Variants in CLYBL observed in about 807,000 individuals in gnomAD.
CLYBL encodes the protein citramalyl-CoA lyase, mitochondrial.
Under a neutral mutation model 38.9 loss-of-function variants are expected in CLYBL, and 31 were observed. That is an observed-to-expected ratio of 0.80 (90% CI 0.60 to 1.08). The LOEUF (loss-of-function observed/expected upper bound fraction) is 1.08. Ranked by LOEUF, CLYBL falls within the 50% of genes least tolerant of loss-of-function variation. CLYBL has a pLI of 0.00. For synonymous variants in CLYBL, 171 were observed against 158.6 expected (o/e 1.08, Z -0.59); for missense variants, 434 against 411.6 (o/e 1.05, Z -0.47).
chr13:99,838,939 TACATTTC>T (rs1324359652), intron 2 of CLYBL, among the ~76,000 whole-genome samples: 7 of 152,234 alleles, frequency 4.6e-5, no homozygotes, highest in Non-Finnish European at 8.8e-5. Context: ...GCGCCTGGCC[TACATTTC>T]ACATTCTTAA....
chr13:99,907,422 T>A (rs2052707940), intron 9 of CLYBL, among the ~76,000 whole-genome samples: 1 of 152,114 alleles, frequency 6.6e-6, no homozygotes, highest in Non-Finnish European at 1.5e-5. Flanking sequence ...ATTATAACCA[T>A]GTTAAAAAGA....
intron 1 of CLYBL, among the ~76,000 whole-genome samples, chr13:99,644,983 A>T (rs1267604290): frequency 6.6e-6 from 1 of 152,180 alleles, no homozygotes; most frequent in Non-Finnish European, 1.5e-5. Flanking sequence ...TAAACATGGG[A>T]GTGCAGATAT....
chr13:99,637,107 TGGTCTCAA>T (rs2047029023), intron 1 of CLYBL, among the ~76,000 whole-genome samples: 1 of 152,210 alleles, frequency 6.6e-6, no homozygotes, highest in Non-Finnish European at 1.5e-5. Context: ...CTTGAACCCC[TGGTCTCAA>T]GTGATCTGCC....
At chr13:99,675,852 CATT>C (rs879451502) in intron 1 of CLYBL, among the ~76,000 whole-genome samples, 4 of 152,038 alleles carry the variant, frequency 2.6e-5, no homozygotes, top group Non-Finnish European at 5.9e-5. Flanking sequence ...TTTCTGTACA[CATT>C]GTTGTATGGG....
At chr13:99,709,627 T>A (rs1466855116) in intron 1 of CLYBL, among the ~76,000 whole-genome samples, 1 of 152,222 alleles carries the variant, frequency 6.6e-6, no homozygotes, top group South Asian at 2.1e-4. Context: ...GTTGAAAAGA[T>A]AGAATTTGTT....
At chr13:99,663,283 G>T (rs750048774) in intron 1 of CLYBL, among the ~76,000 whole-genome samples, 21 of 152,224 alleles carry the variant, frequency 1.4e-4, no homozygotes, top group Non-Finnish European at 2.2e-4. Context: ...CCATGTGTGG[G>T]TATAAATAAT....
intron 1 of CLYBL, among the ~76,000 whole-genome samples, chr13:99,741,660 A>G (rs1303415388): frequency 6.6e-6 from 1 of 152,216 alleles, no homozygotes. Flanking sequence ...TATTTGTAGT[A>G]GAGACGGGGT....
At chr13:99,814,151 A>T (rs557231302) in intron 2 of CLYBL, among the ~76,000 whole-genome samples, 1 of 152,356 alleles carries the variant, frequency 6.6e-6, no homozygotes, top group South Asian at 2.1e-4. Flanking sequence ...TATACAAATT[A>T]TATTGAAGAT....
chr13:99,753,913 A>AC (rs1351917690), intron 1 of CLYBL, among the ~76,000 whole-genome samples: 9 of 151,068 alleles, frequency 6.0e-5, no homozygotes, highest in African/African-American at 2.2e-4. Context: ...ACATGGTGAA[A>AC]CCCCATCTCT....
intron 2 of CLYBL, among the ~76,000 whole-genome samples, chr13:99,846,774 C>T (rs1474367467): frequency 3.9e-5 from 6 of 152,154 alleles, no homozygotes; most frequent in Non-Finnish European, 8.8e-5. Flanking sequence ...CTTATGGAGA[C>T]AAGATTCTTT....
chr13:99,854,718 T>C (rs745910959), intron 2 of CLYBL, among the ~76,000 whole-genome samples: 5 of 152,188 alleles, frequency 3.3e-5, no homozygotes, highest in African/African-American at 4.8e-5. Context: ...ACTGCACGCA[T>C]ATTTTCTCCT....
intron 1 of CLYBL, among the ~76,000 whole-genome samples, chr13:99,757,869 G>A (rs921013964): frequency 6.6e-6 from 1 of 152,208 alleles, no homozygotes; most frequent in Non-Finnish European, 1.5e-5. Context: ...TTCCCCAGGG[G>A]ACTGCAACGT....
At chr13:99,666,675 A>G (rs2047486246) in intron 1 of CLYBL, among the ~76,000 whole-genome samples, 1 of 151,900 alleles carries the variant, frequency 6.6e-6, no homozygotes, top group African/African-American at 2.4e-5. Flanking sequence ...AAAGGGAAAA[A>G]TGAATGATTT....
Position 99,849,661 on chromosome 13 carries a change from G to T in CLYBL, c.250-9200G>T, listed in dbSNP as rs1404426102. Among the ~76,000 whole-genome samples the T allele has an allele frequency of 6.6e-6, 1 of 152,242 alleles. No individual in the cohort carries two copies. The highest frequency in any genetic ancestry group is 1.5e-5 in the Non-Finnish European group (1 of 68,050). ...CAGAGGTGCCTCAGAGGCCCATAAG[G>T]ATGCCTGTCAAGGTCTTCGCAGAAA... On this transcript the variant is annotated intron_variant, in intron 2 of 8. Transcript: ENST00000339105. The surrounding 1 kb of genome is among the most constrained non-coding windows in gnomAD (Gnocchi z 4.9).
At chr13:99,635,709 G>C (rs751631194) in intron 1 of CLYBL, among the ~76,000 whole-genome samples, 1 of 152,182 alleles carries the variant, frequency 6.6e-6, no homozygotes, top group African/African-American at 2.4e-5. Flanking sequence ...CATGAAGACT[G>C]GGGGAAGAGG....
chr13:99,836,318 C>T (rs1159066362), intron 2 of CLYBL, among the ~76,000 whole-genome samples: 2 of 152,116 alleles, frequency 1.3e-5, no homozygotes, highest in Non-Finnish European at 2.9e-5. Context: ...GCGTTTCTTC[C>T]CCTGGAGAGG....
intron 1 of CLYBL, among the ~76,000 whole-genome samples, chr13:99,732,163 A>G (rs938681366): frequency 6.8e-5 from 9 of 131,604 alleles, no homozygotes; most frequent in African/African-American, 2.2e-4. Context: ...TCAGCATTAT[A>G]TGGCAGTTTT....
At chr13:99,647,819 G>A (rs1220979028) in intron 1 of CLYBL, among the ~76,000 whole-genome samples, 1 of 152,152 alleles carries the variant, frequency 6.6e-6, no homozygotes, top group African/African-American at 2.4e-5. Context: ...CCATCTTGTT[G>A]GAAAAGCCAT....
intron 1 of CLYBL, among the ~76,000 whole-genome samples, chr13:99,688,533 T>C (rs1447913566): frequency 6.6e-6 from 1 of 152,186 alleles, no homozygotes; most frequent in Non-Finnish European, 1.5e-5. Context: ...TAAAGACTTA[T>C]ATTTTAATCT....
Sources: allele counts gnomAD v4.1 joint callset (sites outside exome capture counted in the v4.1 genomes callset), GRCh38; gene constraint gnomAD v4.1.1; non-coding constraint Gnocchi (gnomAD v3.1); transcripts MANE v1.5; gene names NCBI Gene and HGNC (gene_info 2026-07-23, HGNC 2026-07-21).